The following NKAIN3 variants were observed in gnomAD, a reference collection of about 807,000 sequenced individuals.
The protein encoded by NKAIN3 is sodium/potassium transporting ATPase interacting 3, also known as sodium/potassium-transporting ATPase subunit beta-1-interacting protein 3.
A neutral mutation model predicts 30.2 loss-of-function variants in NKAIN3; 25 were observed. The ratio of observed to expected loss-of-function variants is 0.83; its 90% CI spans 0.60 to 1.16. NKAIN3 has a LOEUF of 1.16. NKAIN3 is among the 50% of genes most tolerant of loss of function. NKAIN3 has a pLI of 0.00. For missense variants in NKAIN3, 225 were observed against 254.1 expected, an observed-to-expected ratio of 0.89 and a Z score of 0.78; for synonymous variants, 91 against 89.6, an observed-to-expected ratio of 1.02 and a Z score of -0.09.
At chr8:62,392,372 T>G (rs73684983) in intron 1 of NKAIN3, among the ~76,000 whole-genome samples, 5,290 of 152,114 alleles carry the variant, frequency 0.035, 349 homozygotes, top group African/African-American at 0.12. Context: ...TGTAGTGGAG[T>G]GAAGCTCACT....
chr8:62,541,519 T>G (rs1007795486), intron 1 of NKAIN3, among the ~76,000 whole-genome samples: 2 of 152,142 alleles, frequency 1.3e-5, no homozygotes, highest in Admixed American at 6.5e-5. Flanking sequence ...TGCTTGTTTG[T>G]GAGGAGAAGG....
intron 3 of NKAIN3, among the ~76,000 whole-genome samples, chr8:62,745,713 T>C (rs1816047561): frequency 6.6e-6 from 1 of 152,062 alleles, no homozygotes; most frequent in African/African-American, 2.4e-5. Flanking sequence ...TATTTTGATA[T>C]ACATAAAAGT....
intron 5 of NKAIN3, among the ~76,000 whole-genome samples, chr8:62,925,453 G>A (rs1791300523): frequency 6.6e-6 from 1 of 152,148 alleles, no homozygotes; most frequent in Non-Finnish European, 1.5e-5. Flanking sequence ...CAAAAGCATG[G>A]CCCTATATTA....
intron 3 of NKAIN3, among the ~76,000 whole-genome samples, chr8:62,684,091 A>G (rs75583295): frequency 0.015 from 2,359 of 152,244 alleles, 27 homozygotes; most frequent in Middle Eastern, 0.041. Flanking sequence ...GACATCCACT[A>G]TCAACTTGAG....
intron 4 of NKAIN3, among the ~76,000 whole-genome samples, chr8:62,784,646 A>C (rs1817459914): frequency 6.6e-6 from 1 of 152,078 alleles, no homozygotes; most frequent in South Asian, 2.1e-4. Context: ...ACAACAACAA[A>C]AATATCCTAA....
intron 1 of NKAIN3, among the ~76,000 whole-genome samples, chr8:62,557,447 C>A (rs1809437004): frequency 6.6e-6 from 1 of 151,970 alleles, no homozygotes; most frequent in South Asian, 2.1e-4. Context: ...GATCAAATAG[C>A]AGTTCTACTT....
intron 5 of NKAIN3, among the ~76,000 whole-genome samples, chr8:62,937,117 A>G (rs1325894879): frequency 6.6e-6 from 1 of 151,724 alleles, no homozygotes; most frequent in Admixed American, 6.6e-5. Context: ...TTGACCAAAA[A>G]CCCTTCACAT....
At chr8:62,569,414 A>G (rs1288951704) in intron 1 of NKAIN3, among the ~76,000 whole-genome samples, 1 of 152,148 alleles carries the variant, frequency 6.6e-6, no homozygotes, top group Admixed American at 6.6e-5. Context: ...AGTTGAATAG[A>G]TAGGAGAGTT....
At chr8:62,274,749 C>T (rs1812880700) in intron 1 of NKAIN3, among the ~76,000 whole-genome samples, 1 of 151,392 alleles carries the variant, frequency 6.6e-6, no homozygotes, top group Admixed American at 6.6e-5. Flanking sequence ...TCCCCCGACC[C>T]CCCACCCCAC....
intron 5 of NKAIN3, among the ~76,000 whole-genome samples, chr8:62,937,950 A>G (rs1822838172): frequency 6.6e-6 from 1 of 152,010 alleles, no homozygotes; most frequent in Non-Finnish European, 1.5e-5. Context: ...TACCCTGGCA[A>G]CCTGTATGAC....
intron 5 of NKAIN3, chr8:62,990,019 A>G (rs1824287814): frequency 7.8e-6 from 4 of 511,862 alleles, no homozygotes; most frequent in Non-Finnish European, 1.4e-5. Flanking sequence ...CTCATCTTGT[A>G]TCTGCTCAAT....
At chr8:62,997,755 TAAAA>T (rs56261705) in intron 5 of NKAIN3, among the ~76,000 whole-genome samples, 1 of 145,566 alleles carries the variant, frequency 6.9e-6, no homozygotes, top group African/African-American at 2.5e-5. Context: ...CTCTTTTCTT[TAAAA>T]AAAAAAAAAA....
chr8:62,969,362 A>G lies in NKAIN3; in HGVS notation c.*3955A>G, dbSNP rs1439436739. On this transcript the variant is annotated 3_prime_UTR_variant, in exon 7 of 7. Coordinates refer to ENST00000623646, the MANE Select transcript of NKAIN3 (RefSeq NM_001304533.3). ...AATGTACATTGCAAATCTGAAGAAA[A>G]CAATCATGACTCTGCTAATTTGAGA... Among the ~76,000 whole-genome samples the G allele has an allele frequency of 6.6e-6, 1 of 152,228 alleles. No individual in the cohort carries two copies. Among genetic ancestry groups the G allele is most frequent in the Non-Finnish European group, 1.5e-5 (1 of 68,040 alleles).
chr8:62,464,434 A>G (rs1806092599), intron 1 of NKAIN3, among the ~76,000 whole-genome samples: 1 of 152,180 alleles, frequency 6.6e-6, no homozygotes, highest in Non-Finnish European at 1.5e-5. Flanking sequence ...CACAGAAGCA[A>G]GTTAGAAAAG....
intron 1 of NKAIN3, among the ~76,000 whole-genome samples, chr8:62,526,817 T>C (rs1226805203): frequency 6.6e-6 from 1 of 152,080 alleles, no homozygotes; most frequent in Non-Finnish European, 1.5e-5. Context: ...CACAGTTCTT[T>C]CCACCCATTT....
chr8:62,903,918 C>A (rs1821691384), intron 4 of NKAIN3, among the ~76,000 whole-genome samples: 1 of 152,026 alleles, frequency 6.6e-6, no homozygotes, highest in African/African-American at 2.4e-5. Flanking sequence ...TGGGGGAAAC[C>A]ACCCCCATGA....
chr8:62,878,863 AG>A (rs1820884006), intron 4 of NKAIN3, among the ~76,000 whole-genome samples: 1 of 152,146 alleles, frequency 6.6e-6, no homozygotes, highest in Non-Finnish European at 1.5e-5. Flanking sequence ...ATGGCTGCAT[AG>A]TATTCCATGG....
chr8:62,546,164 C>CA (rs1809005812), intron 1 of NKAIN3, among the ~76,000 whole-genome samples: 7 of 152,168 alleles, frequency 4.6e-5, no homozygotes, highest in African/African-American at 1.7e-4. Context: ...TTGTCTTATT[C>CA]TTACCTTTGT....
rs1204051645 is a variant in NKAIN3 at position 62,467,659 on chromosome 8, CT to C, written c.55-111876del. Among the ~76,000 whole-genome samples the C allele has an allele frequency of 7.2e-5, 11 of 152,194 alleles. 1 individual carries two copies. Among genetic ancestry groups the C allele is most frequent in the Admixed American group, 6.5e-4 (10 of 15,286 alleles). On this transcript the variant is annotated intron_variant, in intron 1 of 6. Coordinates refer to ENST00000623646, the MANE Select transcript of NKAIN3 (RefSeq NM_001304533.3). ...ATATAAAATAGGTTGTGTTTATGTC[CT>C]TTTCTCTCAGTGAATTATTTTTACA...
Sources: allele counts gnomAD v4.1 joint callset (sites outside exome capture counted in the v4.1 genomes callset), GRCh38; gene constraint gnomAD v4.1.1; transcripts MANE v1.5; gene names NCBI Gene and HGNC (gene_info 2026-07-23, HGNC 2026-07-21).